Variants in ZNF521 observed in about 807,000 individuals in gnomAD.
The protein encoded by ZNF521 is LYST-interacting protein 3.
ZNF521 carries 14 observed loss-of-function variants against 105.5 expected under a neutral mutation model. That is an observed-to-expected ratio of 0.13 (90% CI 0.09 to 0.21). The LOEUF (loss-of-function observed/expected upper bound fraction) is 0.21, where lower values mean the gene tolerates loss of function less well. Among genes scored for constraint, ZNF521 ranks in the 10% least tolerant of loss-of-function variants. The pLI is 1.00. For synonymous variants in ZNF521, 635 were observed against 606.0 expected (o/e 1.05, Z -0.70); for missense variants, 1,233 against 1,629.7 (o/e 0.76, Z 4.19).
chr18:25,315,324 TG>T (rs1912545242), intron 3 of ZNF521, among the ~76,000 whole-genome samples: 1 of 152,128 alleles, frequency 6.6e-6, no homozygotes, highest in Non-Finnish European at 1.5e-5. Flanking sequence ...CAAGCAGGGA[TG>T]ATACATAACT....
intron 3 of ZNF521, among the ~76,000 whole-genome samples, chr18:25,290,607 C>CTTTTT (rs35687026): frequency 6.9e-5 from 8 of 116,214 alleles, no homozygotes; most frequent in African/African-American, 9.9e-5. Context: ...AGGCCATATT[C>CTTTTT]TTTTTTTTTT....
chr18:25,143,747 G>A (rs1357158686), intron 5 of ZNF521, among the ~76,000 whole-genome samples: 7 of 152,032 alleles, frequency 4.6e-5, no homozygotes, highest in African/African-American at 1.2e-4. Flanking sequence ...AGAAAGTTGC[G>A]ATAACTATCC....
Position 25,226,529 on chromosome 18 carries a change from C to T in ZNF521, c.1389G>A (p.Gln463=). 8 of 1,614,126 alleles carry T rather than the reference C, an allele frequency of 5.0e-6. No homozygotes were observed. The highest frequency in any genetic ancestry group is 6.8e-6 in the Non-Finnish European group (8 of 1,180,010). The change falls in exon 4 of 8, where the codon CAG becomes CAA. Residue 463 remains glutamine (Q), a synonymous_variant. Transcript: ENST00000361524. The surrounding 1 kb of genome is among the most constrained non-coding windows in gnomAD (Gnocchi z 4.1). The stretch of plus-strand genomic sequence containing the variant: ...TGGCAGAAACAATCAGACCTGGGTC[C>T]TGAGCTTCATGCACTTGCTTAAGAT... ...NEHLKQVHEA[Q]DPGLIVSAMP...
intron 5 of ZNF521, among the ~76,000 whole-genome samples, chr18:25,173,352 C>T (rs1338471117): frequency 6.6e-6 from 1 of 152,140 alleles, no homozygotes; most frequent in Non-Finnish European, 1.5e-5. Flanking sequence ...GTGCATAATC[C>T]CTCTGACCTG....
At chr18:25,183,833 T>C (rs546736808) in intron 5 of ZNF521, among the ~76,000 whole-genome samples, 2 of 152,278 alleles carry the variant, frequency 1.3e-5, no homozygotes, top group African/African-American at 2.4e-5. Flanking sequence ...ACCTTTTTAG[T>C]GTAGAAATGA....
chr18:25,291,916 T>C (rs1911051100), intron 3 of ZNF521, among the ~76,000 whole-genome samples: 1 of 151,664 alleles, frequency 6.6e-6, no homozygotes, highest in Admixed American at 6.6e-5. Flanking sequence ...CATTTGGAAG[T>C]TCCAATCATT....
intron 5 of ZNF521, among the ~76,000 whole-genome samples, chr18:25,102,695 T>C (rs1380453725): frequency 6.6e-6 from 1 of 151,886 alleles, no homozygotes; most frequent in Non-Finnish European, 1.5e-5. Context: ...ACTATAGATA[T>C]TAACCAACAC....
intron 3 of ZNF521, among the ~76,000 whole-genome samples, chr18:25,236,352 A>G (rs923863488): frequency 1.3e-5 from 2 of 152,162 alleles, no homozygotes; most frequent in Non-Finnish European, 2.9e-5. Context: ...CCTGGATAAC[A>G]TGGTGAAACC....
chr18:25,114,918 ACGT>A (rs2144317147), intron 5 of ZNF521, among the ~76,000 whole-genome samples: 1 of 152,292 alleles, frequency 6.6e-6, no homozygotes, highest in East Asian at 1.9e-4. Context: ...TGTATGTGCA[ACGT>A]AGTTTATTGT....
chr18:25,076,757 T>C (rs1599971787), intron 7 of ZNF521, among the ~76,000 whole-genome samples: 1 of 152,328 alleles, frequency 6.6e-6, no homozygotes, highest in East Asian at 1.9e-4. Context: ...CGCTTGAATC[T>C]ACCTGAACTA....
At chr18:25,108,094 A>G (rs1349819322) in intron 5 of ZNF521, among the ~76,000 whole-genome samples, 1 of 152,262 alleles carries the variant, frequency 6.6e-6, no homozygotes, top group Non-Finnish European at 1.5e-5. Flanking sequence ...TTCATTTTCA[A>G]GTCAAAGTCA....
At chr18:25,336,075 T>C (rs1913865829) in intron 2 of ZNF521, among the ~76,000 whole-genome samples, 1 of 152,098 alleles carries the variant, frequency 6.6e-6, no homozygotes, top group African/African-American at 2.4e-5. Context: ...TGCCCCAAAA[T>C]AAGGTCTCAA....
Position 25,225,663 on chromosome 18 carries a change from T to G in ZNF521, c.2255A>C (p.Tyr752Ser). 6.2e-7 allele frequency: 1 copy of G among 1,614,174 alleles called. No homozygotes were observed. The highest frequency in any genetic ancestry group is 1.1e-5 in the South Asian group (1 of 91,086). ...AVKHSNEKKV[Y>S]RCTSCNWDFR... ...GTCCCAGTTGCAAGATGTGCACCTA[T>G]AGACTTTCTTTTCGTTACTGTGCTT... is the stretch of plus-strand genomic sequence containing the variant. Residue 752 changes from tyrosine (Y) to serine (S), a missense_variant, in exon 4 of 8, where the codon TAT (tyrosine) becomes TCT (serine). By Grantham distance (144) the Tyr-to-Ser change is moderately radical. Transcript: ENST00000361524. The surrounding 1 kb of genome is among the most constrained non-coding windows in gnomAD (Gnocchi z 5.6).
intron 5 of ZNF521, among the ~76,000 whole-genome samples, chr18:25,116,755 G>A (rs1184849697): frequency 6.6e-6 from 1 of 151,454 alleles, no homozygotes. Flanking sequence ...GCATGTGGAT[G>A]TCAGTACTCC....
In ZNF521 at chr18:25,319,171, T is replaced by C. The variant is rs545237831; in HGVS notation, c.220+2837A>G. Among the ~76,000 whole-genome samples, 50 of 152,306 alleles carry C rather than the reference T, an allele frequency of 3.3e-4. No homozygotes were observed. The South Asian group carries it at 5.6e-3, about 17-fold the overall frequency. The stretch of plus-strand genomic sequence containing the variant: ...TCAATACAATGAGAGTAATGAATTA[T>C]GACCCACTGAATAAAATAAAAACCC... On this transcript the variant is annotated intron_variant, in intron 3 of 7. Transcript: ENST00000361524.
intron 2 of ZNF521, among the ~76,000 whole-genome samples, chr18:25,334,117 A>G (rs1216404495): frequency 6.6e-6 from 1 of 152,194 alleles, no homozygotes; most frequent in Non-Finnish European, 1.5e-5. Context: ...CAGCTTCCAG[A>G]GGCATTCAAT....
At chr18:25,298,110 C>T (rs960622813) in intron 3 of ZNF521, among the ~76,000 whole-genome samples, 7 of 152,148 alleles carry the variant, frequency 4.6e-5, no homozygotes, top group African/African-American at 1.7e-4. Flanking sequence ...AATTGCTTCT[C>T]TTAATTACTG....
At chr18:25,116,530 T>C (rs2034305478) in intron 5 of ZNF521, among the ~76,000 whole-genome samples, 1 of 152,170 alleles carries the variant, frequency 6.6e-6, no homozygotes, top group Admixed American at 6.6e-5. Context: ...CCTTGTGGAA[T>C]GGGAGTGCCA....
Position 25,224,618 on chromosome 18 carries a change from A to G in ZNF521, c.3300T>C (p.Ser1100=). The change falls in exon 4 of 8, where the codon AGT becomes AGC. Residue 1100 remains serine (S), a synonymous_variant. Transcript: ENST00000361524. The stretch of plus-strand genomic sequence containing the variant: ...CGTTAATGCCTGGGCTGGCGCTCTT[A>G]CTGAGATTCACGCAGCCGGCACACA... The part of the protein sequence containing the change: ...YGLCAGCVNL[S]KSASPGINVP... 1 of 1,613,964 alleles carries G rather than the reference A, an allele frequency of 6.2e-7. No individual in the cohort carries two copies. The highest frequency in any genetic ancestry group is 8.5e-7 in the Non-Finnish European group (1 of 1,179,962).
Sources: gnomAD v4.1 joint callset for allele counts (sites outside exome capture counted in the v4.1 genomes callset) on GRCh38, gnomAD v4.1.1 for gene constraint, Gnocchi (gnomAD v3.1) non-coding constraint, MANE v1.5 for transcripts, NCBI Gene and HGNC (gene_info 2026-07-23, HGNC 2026-07-21) for gene names.